The following MYH10 variants were observed in gnomAD, a reference collection of about 807,000 sequenced individuals.
MYH10 encodes the protein myosin-10.
MYH10 carries 55 observed loss-of-function variants against 257.8 expected under a neutral mutation model. The observed-to-expected ratio is 0.21, with a 90% CI of 0.17 to 0.27. The LOEUF (loss-of-function observed/expected upper bound fraction) is 0.27. MYH10 is among the 10% of genes least tolerant of loss of function. The pLI, the probability that MYH10 is intolerant of heterozygous loss-of-function variation, is 1.00. For missense variants in MYH10, 1,631 were observed against 2,500.6 expected, an observed-to-expected ratio of 0.65 and a Z score of 7.42; for synonymous variants, 854 against 921.7, an observed-to-expected ratio of 0.93 and a Z score of 1.33.
chr17:8,595,530 T>C (rs775614429), intron 3 of MYH10, among the ~76,000 whole-genome samples: 4 of 146,914 alleles, frequency 2.7e-5, no homozygotes, highest in Non-Finnish European at 4.4e-5. Context: ...CCTCCCGGGT[T>C]CAAGCGATTC....
At chr17:8,614,355 G>T (rs1422207268) in intron 2 of MYH10, among the ~76,000 whole-genome samples, 1 of 103,312 alleles carries the variant, frequency 9.7e-6, no homozygotes, top group African/African-American at 3.9e-5. Flanking sequence ...TCGCTCTGTT[G>T]TTCAAGCTGG....
chr17:8,547,101 T>C (rs952501560), intron 11 of MYH10, among the ~76,000 whole-genome samples: 1 of 152,116 alleles, frequency 6.6e-6, no homozygotes. Flanking sequence ...CTGAACATAG[T>C]GTAGACAACC....
At chr17:8,597,258 AGTATAAAAACTCTTCTTCCATAATAGGC>A (rs2084409313) in intron 3 of MYH10, among the ~76,000 whole-genome samples, 1 of 151,634 alleles carries the variant, frequency 6.6e-6, no homozygotes, top group Non-Finnish European at 1.5e-5. Flanking sequence ...GGTTTAGATG[AGTATAAAAACTCTTCTTCCATAATAGGC>A]AGTCTAAAGA....
chr17:8,549,532 T>C lies in MYH10; in HGVS notation c.920-745A>G, dbSNP rs147251813. ...CGTTATAACAGATATGCAAATATGCTCCCAGCTTTCTTTGTGACTGGCTCT... is the reference window on the plus strand; with the variant it reads ...CGTTATAACAGATATGCAAATATGCCCCCAGCTTTCTTTGTGACTGGCTCT... On this transcript the variant is annotated intron_variant, in intron 9 of 42. Coordinates refer to ENST00000360416, the MANE Select transcript of MYH10 (RefSeq NM_001256012.3). Among the ~76,000 whole-genome samples the C allele has an allele frequency of 8.4e-3, 1,278 of 152,318 alleles. 21 individuals are homozygous for C. Among genetic ancestry groups the C allele is most frequent in the African/African-American group, 0.028 (1,172 of 41,570 alleles).
chr17:8,560,873 G>A (rs2082967932), intron 7 of MYH10: 3 of 542,760 alleles, frequency 5.5e-6, no homozygotes, highest in Non-Finnish European at 1.1e-5. Flanking sequence ...GTGAGAAGAG[G>A]GAGTGAATAT....
chr17:8,575,484 C>T (rs919805122), intron 6 of MYH10, among the ~76,000 whole-genome samples: 1 of 152,092 alleles, frequency 6.6e-6, no homozygotes, highest in Non-Finnish European at 1.5e-5. Context: ...TTCATTTACC[C>T]TCTTCATTTG....
intron 37 of MYH10, among the ~76,000 whole-genome samples, chr17:8,483,800 A>G (rs1194402131): frequency 6.6e-6 from 1 of 152,212 alleles, no homozygotes; most frequent in African/African-American, 2.4e-5. Flanking sequence ...TGCATCACCA[A>G]GGTTGGAGTT....
chr17:8,554,108 T>C (rs2082718011), intron 7 of MYH10, 90 bp from the exon 8 acceptor site: 3 of 886,458 alleles, frequency 3.4e-6, no homozygotes, highest in Non-Finnish European at 5.5e-6. Flanking sequence ...CAAGTATCCA[T>C]GAATTAGTTA....
At position 8,506,910 on chromosome 17, in the gene MYH10, A is replaced by G. The variant is rs1346603451; in HGVS notation, c.3215-421T>C. Among the ~76,000 whole-genome samples the G allele has an allele frequency of 2.0e-5, 3 of 152,206 alleles. No individual in the cohort carries two copies. On this transcript the variant is annotated intron_variant, in intron 26 of 42. Coordinates refer to ENST00000360416, the MANE Select transcript of MYH10 (RefSeq NM_001256012.3). This position sits in a 1 kb window ranked among gnomAD's most constrained non-coding sequence, Gnocchi z 5.0. ...GGGAACCCCTGTTCTGAACCAAGAA[A>G]ACTGCCATCCTCGAGTACTGGGAGA...
rs187481403 is a variant in MYH10 at position 8,490,174 on chromosome 17, A to C, written c.4884+166T>G. ...GTAAGACCTAAACTAATTACAATAA[A>C]ATTTAAATAATAAAATTCTCAAATG... is the stretch of plus-strand genomic sequence containing the variant. On this transcript the variant is annotated intron_variant, in intron 35 of 42. Coordinates refer to ENST00000360416, the MANE Select transcript of MYH10 (RefSeq NM_001256012.3). This position sits in a 1 kb window ranked among gnomAD's most constrained non-coding sequence, Gnocchi z 4.1. The C allele has an allele frequency of 4.2e-5, 26 of 619,822 alleles. 1 individual carries two copies. Among genetic ancestry groups the C allele is most frequent in the South Asian group, 4.1e-4 (20 of 48,284 alleles). 38.4% of individuals were successfully genotyped at this position (619,822 alleles called of 1,614,324 possible).
intron 7 of MYH10, among the ~76,000 whole-genome samples, chr17:8,565,936 CTTAAT>C (rs2083151919): frequency 6.6e-6 from 1 of 152,076 alleles, no homozygotes; most frequent in South Asian, 2.1e-4. Flanking sequence ...AAATAATTAC[CTTAAT>C]TTAGACTATA....
At chr17:8,519,232 C>T (rs1312776367) in intron 19 of MYH10, among the ~76,000 whole-genome samples, 1 of 152,192 alleles carries the variant, frequency 6.6e-6, no homozygotes, top group African/African-American at 2.4e-5. Flanking sequence ...AGAAACCTTT[C>T]ATTTTTCTTC....
At position 8,474,458 on chromosome 17, in the gene MYH10, A is replaced by G. The variant is rs1406142863; in HGVS notation, c.*1346T>C. 6.6e-6 allele frequency: 1 copy of G among 152,610 alleles called. No individual in the cohort carries two copies. The highest frequency in any genetic ancestry group is 1.5e-5 in the Non-Finnish European group (1 of 68,046). The allele number at this position is 152,610 out of a possible 1,614,324, so 9.5% of individuals were successfully genotyped here. A position where few individuals can be genotyped will look rare whatever the true frequency, so the allele number is the denominator to read the frequency against. ...ACCCACAGGACAAATTCTTCCTAAT[A>G]GATGTTAAAGCTTTTAACCCAAAAG... is the stretch of plus-strand genomic sequence containing the variant. On this transcript the variant is annotated 3_prime_UTR_variant, in exon 43 of 43. Transcript: ENST00000360416.
intron 7 of MYH10, among the ~76,000 whole-genome samples, chr17:8,557,588 A>G (rs1224930808): frequency 6.6e-6 from 1 of 152,200 alleles, no homozygotes; most frequent in Non-Finnish European, 1.5e-5. Context: ...CGAGCTTGAT[A>G]TACTCAGGCA....
intron 25 of MYH10, among the ~76,000 whole-genome samples, chr17:8,508,954 T>C (rs1048801591): frequency 2.0e-5 from 3 of 152,188 alleles, no homozygotes; most frequent in Non-Finnish European, 2.9e-5. Flanking sequence ...TTAAAATAAA[T>C]GTACTGCAGC....
chr17:8,479,729 T>C (rs1913350744), intron 40 of MYH10, among the ~76,000 whole-genome samples: 1 of 152,222 alleles, frequency 6.6e-6, no homozygotes, highest in Admixed American at 6.5e-5. Flanking sequence ...TGTTAAGCAA[T>C]CCCTTCTATG....
At chr17:8,602,074 C>A (rs2084629769) in intron 3 of MYH10, among the ~76,000 whole-genome samples, 1 of 150,324 alleles carries the variant, frequency 6.7e-6, no homozygotes, top group Non-Finnish European at 1.5e-5. Context: ...CTCCCGGGTT[C>A]ACGCCATTCT....
At position 8,535,518 on chromosome 17, in the gene MYH10, C is replaced by G; in HGVS notation, c.1780-17G>C. 1 of 1,577,662 alleles carries G rather than the reference C, an allele frequency of 6.3e-7. No homozygotes were observed. Among genetic ancestry groups the G allele is most frequent in the Non-Finnish European group, 8.6e-7 (1 of 1,158,366 alleles). On this transcript the variant is annotated splice_polypyrimidine_tract_variant and intron_variant, in intron 15 of 42. Coordinates refer to ENST00000360416, the MANE Select transcript of MYH10 (RefSeq NM_001256012.3). This position sits in a 1 kb window ranked among gnomAD's most constrained non-coding sequence, Gnocchi z 4.3. ...ATAGTCCACCTATCCCGCACCAAAG[C>G]CAAAAGTGGTGAAATGGAGAACACA... is the stretch of plus-strand genomic sequence containing the variant.
intron 35 of MYH10, among the ~76,000 whole-genome samples, chr17:8,489,746 C>CACACACACACACACACACACACACACACA (rs1451899373): frequency 1.9e-4 from 28 of 149,604 alleles, no homozygotes; most frequent in East Asian, 7.8e-4. Context: ...CACACACACA[C>CACACACACACACACACACACACACACACA]CCCAAATCCA....
Sources: gnomAD v4.1 joint callset for allele counts (sites outside exome capture counted in the v4.1 genomes callset) on GRCh38, gnomAD v4.1.1 for gene constraint, Gnocchi (gnomAD v3.1) non-coding constraint, MANE v1.5 for transcripts, NCBI Gene and HGNC (gene_info 2026-07-23, HGNC 2026-07-21) for gene names.